ANK2: variants seen among roughly 807,000 people sequenced by gnomAD.
ANK2 encodes the protein ankyrin 2.
In ANK2, 83 loss-of-function variants were observed where a neutral mutation model predicts 360.5. The observed-to-expected ratio is 0.23, with a 90% CI of 0.19 to 0.28. The LOEUF (loss-of-function observed/expected upper bound fraction) is 0.28, where lower values mean the gene tolerates loss of function less well. Ranked by LOEUF, ANK2 falls within the 10% of genes least tolerant of loss-of-function variation. ANK2 has a pLI of 1.00. For missense variants in ANK2, 4,201 were observed against 4,795.7 expected, an observed-to-expected ratio of 0.88 and a Z score of 3.66; for synonymous variants, 1,740 against 1,759.5, an observed-to-expected ratio of 0.99 and a Z score of 0.28.
At chr4:113,208,870 C>T (rs966036412) in intron 4 of ANK2, among the ~76,000 whole-genome samples, 1 of 151,774 alleles carries the variant, frequency 6.6e-6, no homozygotes, top group Non-Finnish European at 1.5e-5. Flanking sequence ...TGTTATACAT[C>T]CCTAAAAGAA....
At chr4:113,272,575 G>C (rs1184925425) in intron 14 of ANK2, among the ~76,000 whole-genome samples, 1 of 151,956 alleles carries the variant, frequency 6.6e-6, no homozygotes, top group Non-Finnish European at 1.5e-5. Context: ...TTCAGGTAAA[G>C]CTTTAGCAAA....
chr4:113,322,526 G>C (rs899055452), intron 26 of ANK2, among the ~76,000 whole-genome samples: 1 of 152,164 alleles, frequency 6.6e-6, no homozygotes, highest in Admixed American at 6.5e-5. Context: ...ACAACTCTTA[G>C]CAGTAGCTAG....
Position 113,339,294 on chromosome 4 carries a change from G to A in ANK2, c.3865G>A (p.Val1289Ile), listed in dbSNP as rs758652829. Residue 1289 changes from valine (V) to isoleucine (I), a missense_variant, in exon 32 of 46, where the codon GTT (valine) becomes ATT (isoleucine). Transcript: ENST00000357077. The stretch of plus-strand genomic sequence containing the variant: ...GCCATTAACATTTGTCAATGAATGT[G>A]TTTCCTTTACAACAAACGTGTCTGC... ...TTPLTFVNECVSFTTNVSARF... is the reference protein window; with the variant it reads ...TTPLTFVNECISFTTNVSARF... 3 of 1,613,806 alleles carry A rather than the reference G, an allele frequency of 1.9e-6. No homozygotes were observed. Among genetic ancestry groups the A allele is most frequent in the South Asian group, 1.1e-5 (1 of 91,082 alleles).
In ANK2 at chr4:113,024,529, A is replaced by T. The variant is rs1376038666; in HGVS notation, c.21+120015A>T. Among the ~76,000 whole-genome samples, 6 of 152,192 alleles carry T rather than the reference A, an allele frequency of 3.9e-5. No individual in the cohort carries two copies. In the East Asian group the frequency reaches 1.2e-3, roughly 29 times the overall value. Reference sequence around the variant, plus strand: ...GCACTGTCAAGGGAATACTTCTTATAACAAACTGTACCTGCCAGAAGTTTT... The same window carrying T: ...GCACTGTCAAGGGAATACTTCTTATTACAAACTGTACCTGCCAGAAGTTTT... On this transcript the variant is annotated intron_variant, in intron 2 of 30. Coordinates refer to the ANK2 transcript ENST00000503271.
At chr4:113,090,689 T>C (rs1279620921) in intron 1 of ANK2, among the ~76,000 whole-genome samples, 4 of 152,330 alleles carry the variant, frequency 2.6e-5, no homozygotes, top group African/African-American at 9.6e-5. Flanking sequence ...TGCCAATGTT[T>C]TAATCAGAAG....
At chr4:112,864,356 C>A (rs1174296183) in intron 1 of ANK2, among the ~76,000 whole-genome samples, 1 of 152,134 alleles carries the variant, frequency 6.6e-6, no homozygotes, top group Non-Finnish European at 1.5e-5. Context: ...GTTGCCCAGG[C>A]TGGAGTGCAA....
At chr4:112,790,592 A>G in the ANK2 span, among the ~76,000 whole-genome samples, 47,261 of 150,220 alleles carry the variant, frequency 0.31, 7,528 homozygotes, top group East Asian at 0.35. Flanking sequence ...GGTTCAAGCA[A>G]TTTCTCCGGC....
chr4:112,858,562 A>G (rs985074105), intron 1 of ANK2, among the ~76,000 whole-genome samples: 2 of 152,184 alleles, frequency 1.3e-5, no homozygotes, highest in African/African-American at 4.8e-5. Flanking sequence ...AAATAATATC[A>G]AAGTCCTTTA....
At chr4:113,033,800 C>G (rs1053589335) in intron 2 of ANK2, 3 of 151,988 alleles carry the variant, frequency 2.0e-5, no homozygotes, top group Non-Finnish European at 4.4e-5. Context: ...CCCATATTGA[C>G]AAACTCCAGC....
At chr4:113,028,630 T>G (rs961960107) in intron 2 of ANK2, among the ~76,000 whole-genome samples, 1 of 152,186 alleles carries the variant, frequency 6.6e-6, no homozygotes, top group Non-Finnish European at 1.5e-5. Flanking sequence ...AGATTTATTT[T>G]GCAACAACTC....
At chr4:113,198,976 C>T in intron 3 of ANK2, 35 bp from the exon 4 acceptor site, 3 of 1,554,490 alleles carry the variant, frequency 1.9e-6, no homozygotes, top group Non-Finnish European at 2.7e-6. Flanking sequence ...AATTCAGAAA[C>T]CTTGAACATT....
chr4:113,010,194 A>ATAAG (rs1237714204), intron 2 of ANK2, among the ~76,000 whole-genome samples: 2 of 152,184 alleles, frequency 1.3e-5, no homozygotes, highest in Non-Finnish European at 1.5e-5. Flanking sequence ...TTTGGTAAAT[A>ATAAG]TAAGTACTCT....
chr4:112,841,590 G>A (rs918048077), intron 1 of ANK2, among the ~76,000 whole-genome samples: 1 of 152,206 alleles, frequency 6.6e-6, no homozygotes, highest in African/African-American at 2.4e-5. Flanking sequence ...AGAATGAAGA[G>A]TGAGAGGCTG....
intron 22 of ANK2, among the ~76,000 whole-genome samples, chr4:113,293,905 G>GC (rs1423492352): frequency 6.6e-6 from 1 of 152,102 alleles, no homozygotes; most frequent in Admixed American, 6.5e-5. Context: ...ACTTACCTTA[G>GC]CCAGGAGGTC....
rs547796912 is a variant in ANK2, at chr4:113,328,683, C to A, written c.2901-1563C>A. Among the ~76,000 whole-genome samples the A allele has an allele frequency of 3.9e-4, 60 of 152,270 alleles. No individual in the cohort carries two copies. In the Middle Eastern group the frequency reaches 0.01, roughly 26 times the overall value. ...GGCTAGGTATGAATGGAAGGTCTAG[C>A]CTGGCCCCTGCATGTGGGAAGGCCT... On this transcript the variant is annotated intron_variant, in intron 26 of 45. Transcript: ENST00000357077.
intron 2 of ANK2, among the ~76,000 whole-genome samples, chr4:113,185,000 C>T (rs2098489121): frequency 6.6e-6 from 1 of 152,168 alleles, no homozygotes; most frequent in Admixed American, 6.5e-5. Flanking sequence ...ATGATGGTTT[C>T]CAGCTTCGTC....
At chr4:112,940,658 T>C (rs2094138091) in intron 2 of ANK2, among the ~76,000 whole-genome samples, 1 of 152,192 alleles carries the variant, frequency 6.6e-6, no homozygotes, top group East Asian at 1.9e-4. Context: ...TTATTTAGCA[T>C]ACAAACCTCT....
intron 10 of ANK2, among the ~76,000 whole-genome samples, chr4:113,253,543 A>G (rs1050638631): frequency 1.3e-5 from 2 of 151,680 alleles, no homozygotes; most frequent in Non-Finnish European, 2.9e-5. Context: ...TCTTCCTGTT[A>G]TCCTTCTTAT....
At chr4:113,026,365 C>G (rs978247449) in intron 2 of ANK2, among the ~76,000 whole-genome samples, 3 of 152,162 alleles carry the variant, frequency 2.0e-5, no homozygotes, top group Admixed American at 2.0e-4. Flanking sequence ...CCATATCCGG[C>G]CCACAGATTG....
Sources: allele counts gnomAD v4.1 joint callset (sites outside exome capture counted in the v4.1 genomes callset), GRCh38; gene constraint gnomAD v4.1.1; transcripts MANE v1.5; gene names NCBI Gene and HGNC (gene_info 2026-07-23, HGNC 2026-07-21).